Variants in ZAP70 observed in about 807,000 individuals in gnomAD.
ZAP70 encodes the protein zeta chain of T cell receptor associated protein kinase 70, also known as tyrosine-protein kinase ZAP-70.
Under a neutral mutation model 65.8 loss-of-function variants are expected in ZAP70, and 27 were observed. That is an observed-to-expected ratio of 0.41 (90% CI 0.30 to 0.57). The LOEUF (loss-of-function observed/expected upper bound fraction) is 0.57, where lower values mean the gene tolerates loss of function less well. Among genes scored for constraint, ZAP70 ranks in the 20% least tolerant of loss-of-function variants. The pLI is 0.28. For missense variants in ZAP70, 696 were observed against 870.5 expected (o/e 0.80, Z 2.52); for synonymous variants, 363 against 360.8 (o/e 1.01, Z -0.07).
At chr2:97,753,500 T>C in the ZAP70 span, among the ~76,000 whole-genome samples, 1 of 152,208 alleles carries the variant, frequency 6.6e-6, no homozygotes, top group African/African-American at 2.4e-5. Context: ...CTGACCCCTT[T>C]CCTTTGGAGT....
intron 13 of ZAP70, 142 bp downstream of exon 13, chr2:97,738,249 C>T: frequency 1.2e-6 from 1 of 827,150 alleles, no homozygotes; most frequent in Non-Finnish European, 2.0e-6. Flanking sequence ...CAGCTGCCCC[C>T]TACCCCCACA....
intron 2 of ZAP70, among the ~76,000 whole-genome samples, chr2:97,717,664 G>C (rs191638338): frequency 1.2e-3 from 180 of 152,354 alleles, no homozygotes; most frequent in Non-Finnish European, 2.2e-3. Flanking sequence ...TTGCTGAATA[G>C]GTGTGGGAAT....
intron 2 of ZAP70, among the ~76,000 whole-genome samples, chr2:97,723,148 C>T (rs555861595): frequency 1.1e-4 from 16 of 152,334 alleles, no homozygotes; most frequent in Non-Finnish European, 1.5e-4. Flanking sequence ...CCCTCAATCA[C>T]ACGTTTTGTT....
intron 2 of ZAP70, among the ~76,000 whole-genome samples, chr2:97,718,023 T>C (rs561385592): frequency 3.3e-5 from 5 of 152,342 alleles, no homozygotes; most frequent in African/African-American, 9.6e-5. Context: ...AACTAGGATC[T>C]CTGAACTGTG....
At chr2:97,719,855 C>T (rs938557366) in intron 2 of ZAP70, among the ~76,000 whole-genome samples, 7 of 152,290 alleles carry the variant, frequency 4.6e-5, no homozygotes, top group African/African-American at 7.2e-5. Context: ...TGCCCTCTGT[C>T]GTCACTCCTT....
At chr2:97,733,045 C>A in intron 5 of ZAP70, 24 bp downstream of exon 5, 1 of 1,614,036 alleles carries the variant, frequency 6.2e-7, no homozygotes, top group Non-Finnish European at 8.5e-7. Flanking sequence ...GCAACTTGTT[C>A]TGGGAGATGC....
At chr2:97,721,483 A>T (rs1181133416) in intron 2 of ZAP70, among the ~76,000 whole-genome samples, 3 of 151,426 alleles carry the variant, frequency 2.0e-5, no homozygotes, top group Non-Finnish European at 4.4e-5. Flanking sequence ...GCGTGACCTC[A>T]GCTCACTGCA....
rs746301498 is a variant in ZAP70 at position 97,725,128 on chromosome 2, C to T, written c.439C>T (p.Pro147Ser). ...GGAGCAGGCCATCATCAGCCAGGCC[C>T]CGCAGGTGGAGAAGCTCATTGCTAC... Reference protein sequence around the residue: ...ALEQAIISQAPQVEKLIATTA... With the variant: ...ALEQAIISQASQVEKLIATTA... Residue 147 changes from proline (P) to serine (S), a missense_variant, in exon 4 of 14, where the codon CCG becomes TCG. Pro to Ser is a moderately conservative substitution (Grantham distance 74). Transcript: ENST00000264972. 6.2e-7 allele frequency: 1 copy of T among 1,614,124 alleles called. No individual in the cohort carries two copies. Among genetic ancestry groups the T allele is most frequent in the Non-Finnish European group, 8.5e-7 (1 of 1,180,020 alleles).
intron 2 of ZAP70, among the ~76,000 whole-genome samples, chr2:97,716,844 C>T (rs1676935952): frequency 6.6e-6 from 1 of 152,086 alleles, no homozygotes; most frequent in Non-Finnish European, 1.5e-5. Context: ...ATGACGGGGG[C>T]CAGCAAGTCT....
intron 2 of ZAP70, among the ~76,000 whole-genome samples, chr2:97,722,912 G>T (rs1440713555): frequency 6.6e-6 from 1 of 152,136 alleles, no homozygotes; most frequent in East Asian, 1.9e-4. Context: ...GTTACCTAGG[G>T]TTCAATATTT....
At chr2:97,734,385 G>A (rs1326826146) in intron 8 of ZAP70, 135 bp from the exon 9 acceptor site, 18 of 1,444,498 alleles carry the variant, frequency 1.2e-5, no homozygotes, top group Non-Finnish European at 1.5e-5. Flanking sequence ...GCAGGAACAC[G>A]CATGGGCACC....
intron 8 of ZAP70, 77 bp from the exon 9 acceptor site, chr2:97,734,443 T>C: frequency 6.6e-7 from 1 of 1,508,342 alleles, no homozygotes; most frequent in Non-Finnish European, 8.9e-7. Context: ...CTGGGGCAGG[T>C]GCTTGTGGGG....
intron 2 of ZAP70, among the ~76,000 whole-genome samples, chr2:97,718,017 A>G (rs1677007691): frequency 6.6e-6 from 1 of 152,236 alleles, no homozygotes; most frequent in South Asian, 2.1e-4. Flanking sequence ...AGGCCAAACT[A>G]GGATCTCTGA....
chr2:97,717,345 G>GGACATGCGGAGCCTCTGGCTGGGGA lies in ZAP70; in HGVS notation c.-22+3376_-22+3400dup, dbSNP rs1245987112. ...GGACATGTCAAGCCTCTGGCTGGGG[G>GGACATGCGGAGCCTCTGGCTGGGGA]GACATGCGGAGCCTCTGGCTGGGGA... On this transcript the variant is annotated intron_variant, in intron 2 of 13. Transcript: ENST00000264972. Among the ~76,000 whole-genome samples, 218 of 148,510 alleles carry GGACATGCGGAGCCTCTGGCTGGGGA rather than the reference G, an allele frequency of 1.5e-3. 4 individuals carry two copies. Among genetic ancestry groups the GGACATGCGGAGCCTCTGGCTGGGGA allele is most frequent in the East Asian group, 0.014 (69 of 4,884 alleles).
At chr2:97,746,144 T>C in the ZAP70 span, among the ~76,000 whole-genome samples, 119 of 152,162 alleles carry the variant, frequency 7.8e-4, no homozygotes, top group Admixed American at 3.7e-3. Context: ...GGGAAGCAGA[T>C]AGAAGTTACC....
At chr2:97,724,530 C>T (rs1252169747) in intron 3 of ZAP70, 92 bp downstream of exon 3, 5 of 1,522,018 alleles carry the variant, frequency 3.3e-6, no homozygotes, top group Non-Finnish European at 4.4e-6. Flanking sequence ...AGGAAAAGGT[C>T]GTCTTCCCCA....
the ZAP70 span, among the ~76,000 whole-genome samples, chr2:97,751,713 G>A: frequency 2.0e-4 from 31 of 152,334 alleles, no homozygotes; most frequent in African/African-American, 7.0e-4. Flanking sequence ...AGGCTGTAGA[G>A]GCAGCAGCAT....
chr2:97,735,776 G>A (rs1677850255), intron 10 of ZAP70, among the ~76,000 whole-genome samples: 1 of 152,180 alleles, frequency 6.6e-6, no homozygotes, highest in African/African-American at 2.4e-5. Flanking sequence ...CACTTTGGGA[G>A]GCCAAGGCGG....
At chr2:97,718,819 C>T (rs1470657323) in intron 2 of ZAP70, among the ~76,000 whole-genome samples, 1 of 152,202 alleles carries the variant, frequency 6.6e-6, no homozygotes, top group Admixed American at 6.5e-5. Context: ...TACTCTGCAC[C>T]CATGGTCCTT....
Sources: gnomAD v4.1 joint callset for allele counts (sites outside exome capture counted in the v4.1 genomes callset) on GRCh38, gnomAD v4.1.1 for gene constraint, MANE v1.5 for transcripts, NCBI Gene and HGNC (gene_info 2026-07-23, HGNC 2026-07-21) for gene names.